ELAPOR1: variants seen among roughly 807,000 people sequenced by gnomAD.
ELAPOR1 encodes endosome/lysosome-associated apoptosis and autophagy regulator 1.
In ELAPOR1, 77 loss-of-function variants were observed where a neutral mutation model predicts 119.7. The observed-to-expected ratio is 0.64, with a 90% confidence interval of 0.54 to 0.78. ELAPOR1 has a LOEUF of 0.78. ELAPOR1 is among the 30% of genes least tolerant of loss of function. ELAPOR1 has a pLI of 0.00. For missense variants in ELAPOR1, 1,115 were observed against 1,270.4 expected, an observed-to-expected ratio of 0.88 and a Z score of 1.86; for synonymous variants, 481 against 487.2, an observed-to-expected ratio of 0.99 and a Z score of 0.17.
At chr1:109,161,033 A>T (rs1347568048) in intron 1 of ELAPOR1, among the ~76,000 whole-genome samples, 3 of 152,242 alleles carry the variant, frequency 2.0e-5, no homozygotes, top group Non-Finnish European at 2.9e-5. Context: ...AAGTGAGAGC[A>T]CATCACCTGC....
chr1:109,158,309 C>CTTT (rs386368020), intron 1 of ELAPOR1, among the ~76,000 whole-genome samples: 29 of 131,636 alleles, frequency 2.2e-4, no homozygotes, highest in African/African-American at 7.2e-4. Flanking sequence ...TGACAGTTTT[C>CTTT]TTTTTTTTTT....
At chr1:109,123,925 C>T (rs1226874567) in intron 1 of ELAPOR1, among the ~76,000 whole-genome samples, 2 of 152,132 alleles carry the variant, frequency 1.3e-5, no homozygotes, top group Non-Finnish European at 2.9e-5. Context: ...GCCTCAGCCT[C>T]CCAAGTAGCT....
chr1:109,197,261 C>T (rs1231835042), intron 15 of ELAPOR1, among the ~76,000 whole-genome samples: 7 of 152,132 alleles, frequency 4.6e-5, no homozygotes, highest in South Asian at 2.1e-4. Flanking sequence ...CACTCCAGCC[C>T]GGGCAATAGA....
At chr1:109,182,252 C>A (rs977319919) in intron 7 of ELAPOR1, among the ~76,000 whole-genome samples, 3 of 152,110 alleles carry the variant, frequency 2.0e-5, no homozygotes, top group Non-Finnish European at 4.4e-5. Context: ...ATCACTTGAA[C>A]CCGAGAGGCG....
intron 1 of ELAPOR1, among the ~76,000 whole-genome samples, chr1:109,145,532 TG>T (rs1478855360): frequency 6.6e-6 from 1 of 151,992 alleles, no homozygotes; most frequent in African/African-American, 2.4e-5. Flanking sequence ...GGTGCGCACT[TG>T]TGGTCTCAGC....
intron 1 of ELAPOR1, among the ~76,000 whole-genome samples, chr1:109,141,359 T>A (rs1490015531): frequency 6.6e-6 from 1 of 151,988 alleles, no homozygotes; most frequent in Non-Finnish European, 1.5e-5. Context: ...CTCTCGAGGT[T>A]CACACCATTC....
Position 109,184,915 on chromosome 1 carries a change from G to C in ELAPOR1, c.953-130G>C, listed in dbSNP as rs138505464. 6.7e-4 allele frequency: 488 copies of C among 731,868 alleles called. 2 individuals carry two copies. The East Asian group carries it at 0.011, about 16-fold the overall frequency. 45.3% of individuals were successfully genotyped at this position (731,868 alleles called of 1,614,324 possible). A position where few individuals can be genotyped will look rare whatever the true frequency, so the allele number is the denominator to read the frequency against. On this transcript the variant is annotated intron_variant, in intron 7 of 21. Transcript: ENST00000369939. ...GACAAGGGGAAGGGTGAGTGTGCAG[G>C]ATTTTCTACTTCCGGCAATATTTGT... is the stretch of plus-strand genomic sequence containing the variant.
At chr1:109,153,370 T>C (rs1434385940) in intron 1 of ELAPOR1, among the ~76,000 whole-genome samples, 2 of 151,848 alleles carry the variant, frequency 1.3e-5, no homozygotes, top group African/African-American at 4.8e-5. Context: ...TTATTTAAAA[T>C]AAGGAAAAAT....
In ELAPOR1 at chr1:109,205,659, G is replaced by A. The variant is rs1478636012; in HGVS notation, c.*2647G>A. On this transcript the variant is annotated 3_prime_UTR_variant, in exon 22 of 22. Coordinates refer to ENST00000369939, the MANE Select transcript of ELAPOR1 (RefSeq NM_020775.5). ...TGAATAGCTTTCTTTTGTGACAAAG[G>A]CCACAGACAGCCCTTAGACTATTCC... 2 of 152,154 alleles carry A rather than the reference G, an allele frequency of 1.3e-5. No homozygotes were observed. The highest frequency in any genetic ancestry group is 2.9e-5 in the Non-Finnish European group (2 of 68,036). 9.4% of individuals were successfully genotyped at this position (152,154 alleles called of 1,614,324 possible).
At position 109,192,701 on chromosome 1, in the gene ELAPOR1, G is replaced by A; in HGVS notation, c.1774G>A (p.Ala592Thr). The A allele has an allele frequency of 6.2e-7, 1 of 1,614,042 alleles. No individual in the cohort carries two copies. Among genetic ancestry groups the A allele is most frequent in the Non-Finnish European group, 8.5e-7 (1 of 1,180,008 alleles). The change falls in exon 14 of 22, where the codon GCC becomes ACC. Residue 592 changes from alanine (A) to threonine (T), a missense_variant. Physicochemically the swap from Ala to Thr is moderately conservative, Grantham distance 58. Coordinates refer to ENST00000369939, the MANE Select transcript of ELAPOR1 (RefSeq NM_020775.5). ...TGTGGCCTCCTACTGCCGTCCCTGT[G>A]CCCTAGAAGCCTCTGATGTGGGCTC... The part of the protein sequence containing the change: ...NGVASYCRPC[A>T]LEASDVGSSC...
At position 109,191,838 on chromosome 1, in the gene ELAPOR1, T is replaced by A; in HGVS notation, c.1658T>A (p.Phe553Tyr). 1.9e-6 allele frequency: 3 copies of A among 1,614,204 alleles called. No individual in the cohort carries two copies. Among genetic ancestry groups the A allele is most frequent in the Non-Finnish European group, 2.5e-6 (3 of 1,180,028 alleles). The change falls in exon 13 of 22, where the codon TTC becomes TAC. Residue 553 changes from phenylalanine to tyrosine, a missense_variant. By Grantham distance (22) the Phe-to-Tyr change is conservative (BLOSUM62 3). Transcript: ENST00000369939. ...ACTACCACGAGCTTCACCTGGGCCTTCCAGAGGACCACTTTTCATGAGGCA... is the reference window on the plus strand; with the variant it reads ...ACTACCACGAGCTTCACCTGGGCCTACCAGAGGACCACTTTTCATGAGGCA... ...ENTTTSFTWAFQRTTFHEASR... is the reference protein window; with the variant it reads ...ENTTTSFTWAYQRTTFHEASR...
intron 2 of ELAPOR1, among the ~76,000 whole-genome samples, chr1:109,164,066 T>G (rs1651423336): frequency 6.6e-6 from 1 of 152,182 alleles, no homozygotes; most frequent in Non-Finnish European, 1.5e-5. Context: ...GGTATATAAT[T>G]TATATGCCAT....
chr1:109,165,189 G>A (rs938885074), intron 3 of ELAPOR1, among the ~76,000 whole-genome samples: 4 of 152,182 alleles, frequency 2.6e-5, no homozygotes, highest in Non-Finnish European at 4.4e-5. Flanking sequence ...CTACTCGAGA[G>A]GCTGAGGCAA....
At chr1:109,140,907 A>C (rs1649786193) in intron 1 of ELAPOR1, among the ~76,000 whole-genome samples, 1 of 152,186 alleles carries the variant, frequency 6.6e-6, no homozygotes, top group African/African-American at 2.4e-5. Context: ...GCTGGAGTGC[A>C]GTGCCACGAT....
chr1:109,186,064 G>A (rs1383515160), intron 8 of ELAPOR1, among the ~76,000 whole-genome samples: 1 of 151,374 alleles, frequency 6.6e-6, no homozygotes, highest in Non-Finnish European at 1.5e-5. Flanking sequence ...ATGGTAGTAA[G>A]TGGTAGGAAG....
At chr1:109,155,369 G>A (rs1481831051) in intron 1 of ELAPOR1, among the ~76,000 whole-genome samples, 4 of 151,928 alleles carry the variant, frequency 2.6e-5, no homozygotes, top group South Asian at 4.2e-4. Flanking sequence ...TAATAGAGAC[G>A]GGGTTTCACC....
chr1:109,145,501 C>T (rs1016389526), intron 1 of ELAPOR1, among the ~76,000 whole-genome samples: 2 of 151,834 alleles, frequency 1.3e-5, no homozygotes, highest in African/African-American at 4.8e-5. Flanking sequence ...ACTAAAAATA[C>T]AAAAATTAGC....
At chr1:109,133,996 C>T (rs187845475) in intron 1 of ELAPOR1, among the ~76,000 whole-genome samples, 12 of 152,156 alleles carry the variant, frequency 7.9e-5, no homozygotes, top group African/African-American at 1.2e-4. Context: ...AGTGATGTTG[C>T]GCCAGCCTGG....
rs192819757 is a variant in ELAPOR1, at chr1:109,169,200, G to C, written c.468-2666G>C. 1.3e-3 allele frequency among the ~76,000 whole-genome samples: 195 copies of C among 152,158 alleles called. 1 individual carries two copies. Among genetic ancestry groups the C allele is most frequent in the African/African-American group, 4.6e-3 (191 of 41,524 alleles). On this transcript the variant is annotated intron_variant, in intron 3 of 21. Coordinates refer to ENST00000369939, the MANE Select transcript of ELAPOR1 (RefSeq NM_020775.5). ...AACCATGTTATTCTGACAAACACAG[G>C]GGGAAATCTGTGGACTAATCTGAGA...
Sources: allele counts gnomAD v4.1 joint callset (sites outside exome capture counted in the v4.1 genomes callset), GRCh38; gene constraint gnomAD v4.1.1; transcripts MANE v1.5; gene names NCBI Gene and HGNC (gene_info 2026-07-23, HGNC 2026-07-21).